The following PDE4B variants were observed in gnomAD, a reference collection of about 807,000 sequenced individuals.
PDE4B encodes 3',5'-cyclic-AMP phosphodiesterase 4B.
Under a neutral mutation model 82.2 loss-of-function variants are expected in PDE4B, and 20 were observed. The ratio of observed to expected loss-of-function variants is 0.24; its 90% CI spans 0.17 to 0.35. The LOEUF is 0.35. PDE4B is among the 10% of genes least tolerant of loss of function. The pLI, the probability that PDE4B is intolerant of heterozygous loss-of-function variation, is 1.00. For synonymous variants in PDE4B, 320 were observed against 318.9 expected, an observed-to-expected ratio of 1.00 and a Z score of -0.04; for missense variants, 655 against 907.2, an observed-to-expected ratio of 0.72 and a Z score of 3.57.
intron 3 of PDE4B, among the ~76,000 whole-genome samples, chr1:65,941,272 A>G (rs1648432168): frequency 6.6e-6 from 1 of 152,036 alleles, no homozygotes; most frequent in African/African-American, 2.4e-5. Flanking sequence ...CAAGATTAGG[A>G]TCAGAATGCC....
At chr1:65,898,334 T>G (rs1442726013) in intron 1 of PDE4B, among the ~76,000 whole-genome samples, 2 of 152,146 alleles carry the variant, frequency 1.3e-5, no homozygotes, top group East Asian at 3.8e-4. Context: ...TTTAGTTTGA[T>G]TAGGTCACAC....
rs1646205148 is a variant in PDE4B, at chr1:66,143,126, A to G, written c.282-104334A>G. ...TCAGAAGAGCATCAGTTTAGTTCAA[A>G]AGATGCTTATGAAGGACTTCTCTTT... On this transcript the variant is annotated intron_variant, in intron 3 of 16. Coordinates refer to ENST00000341517, the MANE Select transcript of PDE4B (RefSeq NM_002600.4). 1.3e-5 allele frequency among the ~76,000 whole-genome samples: 2 copies of G among 152,236 alleles called. 1 individual carries two copies. Among genetic ancestry groups the G allele is most frequent in the African/African-American group, 4.8e-5 (2 of 41,460 alleles).
At position 66,368,054 on chromosome 1, in the gene PDE4B, G is replaced by A. The variant is rs749156051; in HGVS notation, c.1651G>A (p.Asp551Asn). Residue 551 changes from aspartate to asparagine, a missense_variant, in exon 15 of 17, where the codon GAT becomes AAT. Physicochemically the swap from Asp to Asn is conservative, Grantham distance 23. Transcript: ENST00000341517. Reference sequence around the variant, plus strand: ...CGTTCTTCTCCTAGACAACTATACCGATCGCATTCAGGTATTTGAGGAAAG... The same window carrying A: ...CGTTCTTCTCCTAGACAACTATACCAATCGCATTCAGGTATTTGAGGAAAG... ...SGVLLLDNYT[D>N]RIQVLRNMVH... The A allele has an allele frequency of 5.6e-6, 9 of 1,613,294 alleles. No individual in the cohort carries two copies. Among genetic ancestry groups the A allele is most frequent in the African/African-American group, 1.3e-5 (1 of 74,860 alleles).
At chr1:66,131,136 C>G (rs182318396) in intron 3 of PDE4B, among the ~76,000 whole-genome samples, 5 of 152,174 alleles carry the variant, frequency 3.3e-5, no homozygotes, top group Admixed American at 2.6e-4. Context: ...CAAAATTAGT[C>G]AAAAGTGTTG....
intron 3 of PDE4B, among the ~76,000 whole-genome samples, chr1:65,964,616 G>T (rs1021601292): frequency 6.6e-6 from 1 of 152,144 alleles, no homozygotes; most frequent in Admixed American, 6.5e-5. Context: ...ATATAGAGAT[G>T]TTTCTAGAGC....
chr1:66,263,191 A>G (rs1173536959), intron 6 of PDE4B, among the ~76,000 whole-genome samples: 1 of 152,240 alleles, frequency 6.6e-6, no homozygotes, highest in East Asian at 1.9e-4. Context: ...ACAATATAGA[A>G]TGAGCAATGC....
At chr1:65,873,888 T>G (rs6695026) in intron 1 of PDE4B, among the ~76,000 whole-genome samples, 27,448 of 152,002 alleles carry the variant, frequency 0.18, 2,920 homozygotes, top group South Asian at 0.38. Context: ...TAGGATTGAC[T>G]TGGTGATGCG....
intron 1 of PDE4B, among the ~76,000 whole-genome samples, chr1:65,855,628 G>A (rs35478578): frequency 0.16 from 23,901 of 151,992 alleles, 1,985 homozygotes; most frequent in African/African-American, 0.19. Flanking sequence ...ATTTCACCCC[G>A]CATAGGTATG....
In PDE4B at chr1:66,118,265, C is replaced by T. The variant is rs530306171; in HGVS notation, c.282-129195C>T. Among the ~76,000 whole-genome samples, 945 of 152,220 alleles carry T rather than the reference C, an allele frequency of 6.2e-3. 3 individuals are homozygous for T. Among genetic ancestry groups the T allele is most frequent in the Non-Finnish European group, 0.011 (766 of 68,006 alleles). The stretch of plus-strand genomic sequence containing the variant: ...TAAATCATGCTGTTATAAAGACACA[C>T]GCACACATATGTTTATTGCGGCACT... On this transcript the variant is annotated intron_variant, in intron 3 of 16. Coordinates refer to ENST00000341517, the MANE Select transcript of PDE4B (RefSeq NM_002600.4).
At chr1:66,154,696 GC>G (rs1319909465) in intron 3 of PDE4B, among the ~76,000 whole-genome samples, 2 of 152,188 alleles carry the variant, frequency 1.3e-5, no homozygotes, top group African/African-American at 4.8e-5. Flanking sequence ...AAGCAAAAAT[GC>G]TTTCAAATAT....
In PDE4B at chr1:66,255,339, C is replaced by T. The variant is rs185425940; in HGVS notation, c.477-2308C>T. On this transcript the variant is annotated intron_variant, in intron 4 of 16. Transcript: ENST00000341517. ...CCAACCTCAGGTGATCCGCCTGCCT[C>T]GGCCTCCCAAAGTGCTGGGATTACA... is the stretch of plus-strand genomic sequence containing the variant. Among the ~76,000 whole-genome samples the T allele has an allele frequency of 2.5e-3, 376 of 152,272 alleles. 1 individual carries two copies. The highest frequency in any genetic ancestry group is 8.6e-3 in the African/African-American group (357 of 41,556).
intron 3 of PDE4B, among the ~76,000 whole-genome samples, chr1:65,964,874 A>T (rs1649731541): frequency 6.6e-6 from 1 of 152,064 alleles, no homozygotes; most frequent in Admixed American, 6.6e-5. Context: ...GACTAGAAAA[A>T]TATAATAATT....
At chr1:65,837,423 C>A (rs907980921) in intron 1 of PDE4B, among the ~76,000 whole-genome samples, 1 of 151,994 alleles carries the variant, frequency 6.6e-6, no homozygotes, top group Non-Finnish European at 1.5e-5. Context: ...GAGACAGGGG[C>A]AAAACTCCAT....
chr1:66,201,251 T>C (rs888424809), intron 3 of PDE4B, among the ~76,000 whole-genome samples: 4 of 152,224 alleles, frequency 2.6e-5, no homozygotes, highest in African/African-American at 9.6e-5. Flanking sequence ...GGTTTGCCAG[T>C]ATTTTACTGA....
chr1:66,109,955 A>G (rs544814991), intron 3 of PDE4B, among the ~76,000 whole-genome samples: 2 of 152,130 alleles, frequency 1.3e-5, no homozygotes, highest in Admixed American at 6.6e-5. Context: ...ATTTCTGTGC[A>G]GTACTCTTAA....
At chr1:65,913,636 A>G (rs1647122919) in intron 2 of PDE4B, among the ~76,000 whole-genome samples, 1 of 152,120 alleles carries the variant, frequency 6.6e-6, no homozygotes, top group South Asian at 2.1e-4. Context: ...CTCTCAGATA[A>G]TTCCTCTTTC....
intron 1 of PDE4B, among the ~76,000 whole-genome samples, chr1:65,819,778 C>T (rs1000804826): frequency 1.3e-5 from 2 of 152,102 alleles, no homozygotes; most frequent in Admixed American, 6.5e-5. Context: ...AGTCACCGCG[C>T]CTGGCATATT....
intron 3 of PDE4B, among the ~76,000 whole-genome samples, chr1:65,989,230 G>T (rs1025941570): frequency 2.0e-5 from 3 of 152,158 alleles, no homozygotes; most frequent in African/African-American, 7.2e-5. Flanking sequence ...GCTGGGCACG[G>T]TGGCTTGCAC....
intron 1 of PDE4B, among the ~76,000 whole-genome samples, chr1:65,874,454 G>A (rs1336608766): frequency 1.3e-5 from 2 of 152,094 alleles, no homozygotes; most frequent in Non-Finnish European, 2.9e-5. Context: ...CCAACACTAT[G>A]TTGAATAGGA....
Sources: allele counts gnomAD v4.1 joint callset (sites outside exome capture counted in the v4.1 genomes callset), GRCh38; gene constraint gnomAD v4.1.1; transcripts MANE v1.5; gene names NCBI Gene and HGNC (gene_info 2026-07-23, HGNC 2026-07-21).